The following FHIT variants were observed in gnomAD, a reference collection of about 807,000 sequenced individuals.
The protein encoded by FHIT is bis(5'-adenosyl)-triphosphatase.
A neutral mutation model predicts 17.9 loss-of-function variants in FHIT; 19 were observed. The ratio of observed to expected loss-of-function variants is 1.06; its 90% CI spans 0.74 to 1.56. The LOEUF is 1.56. FHIT is among the 40% of genes most tolerant of loss of function. The pLI is 0.00. For missense variants in FHIT, 248 were observed against 189.2 expected (o/e 1.31, Z -1.82); for synonymous variants, 81 against 69.7 (o/e 1.16, Z -0.81).
At chr3:60,089,321 G>A (rs1703631145) in intron 5 of FHIT, among the ~76,000 whole-genome samples, 1 of 151,994 alleles carries the variant, frequency 6.6e-6, no homozygotes, top group South Asian at 2.1e-4. Context: ...TATATTTTTG[G>A]GTTTTTTTTG....
intron 5 of FHIT, among the ~76,000 whole-genome samples, chr3:60,025,822 G>T (rs1233907768): frequency 6.6e-6 from 1 of 151,330 alleles, no homozygotes; most frequent in African/African-American, 2.4e-5. Context: ...ACATTTTAAT[G>T]TCACTGTGGC....
chr3:60,672,649 T>G (rs1442672927), intron 4 of FHIT, among the ~76,000 whole-genome samples: 3 of 152,352 alleles, frequency 2.0e-5, no homozygotes, highest in Admixed American at 6.5e-5. Flanking sequence ...CTCAGAGGCC[T>G]GACAGTATCC....
chr3:60,574,023 T>A (rs1174862636), intron 4 of FHIT, among the ~76,000 whole-genome samples: 2 of 152,080 alleles, frequency 1.3e-5, no homozygotes, highest in Non-Finnish European at 2.9e-5. Flanking sequence ...TTGGCCAGGC[T>A]GGTCTTGAAC....
rs576918669 is a variant in FHIT at position 60,569,361 on chromosome 3, GATTTTATTCCC to G, written c.-17-32393_-17-32383del. ...CTGTGATAAAGTGATTGAGAACTGAGATTTTATTCCCAAAGAGGCTAACTCCTTTATCTTAT... is the reference window on the plus strand; with the variant it reads ...CTGTGATAAAGTGATTGAGAACTGAGAAAGAGGCTAACTCCTTTATCTTAT... On this transcript the variant is annotated intron_variant, in intron 4 of 9. Transcript: ENST00000492590. 4.1e-4 allele frequency among the ~76,000 whole-genome samples: 63 copies of G among 152,176 alleles called. No individual in the cohort carries two copies. In the South Asian group the frequency reaches 0.013, roughly 31 times the overall value.
At chr3:60,391,161 C>G (rs1235407054) in intron 5 of FHIT, among the ~76,000 whole-genome samples, 1 of 151,668 alleles carries the variant, frequency 6.6e-6, no homozygotes, top group Non-Finnish European at 1.5e-5. Flanking sequence ...GCACTCCAGC[C>G]TGGGCGACAG....
intron 3 of FHIT, among the ~76,000 whole-genome samples, chr3:60,890,751 C>T (rs1457512667): frequency 1.3e-5 from 2 of 152,146 alleles, no homozygotes; most frequent in Non-Finnish European, 2.9e-5. Context: ...GAACAGACTG[C>T]CCTAGGACAG....
chr3:61,085,355 T>G (rs1393733176), intron 2 of FHIT, among the ~76,000 whole-genome samples: 1 of 152,186 alleles, frequency 6.6e-6, no homozygotes, highest in Non-Finnish European at 1.5e-5. Flanking sequence ...TAAATTGGTA[T>G]TTCAATGTGG....
chr3:60,675,631 T>TA lies in FHIT; in HGVS notation c.-17-138653dup, dbSNP rs369928883. On this transcript the variant is annotated intron_variant, in intron 4 of 9. Transcript: ENST00000492590. ...GTAGTTATGTATTGGTTGCACCTGATACCTAAGCAGTAGTCTGCTCTCTTT... is the reference window on the plus strand; with the variant it reads ...GTAGTTATGTATTGGTTGCACCTGATAACCTAAGCAGTAGTCTGCTCTCTTT... Among the ~76,000 whole-genome samples the TA allele has an allele frequency of 7.8e-3, 1,182 of 152,338 alleles. 16 individuals are homozygous for TA. Among genetic ancestry groups the TA allele is most frequent in the African/African-American group, 0.026 (1,098 of 41,586 alleles).
intron 4 of FHIT, among the ~76,000 whole-genome samples, chr3:60,543,907 C>CTTTTTTT (rs71092612): frequency 0.26 from 13,280 of 51,502 alleles, 3,225 homozygotes; most frequent in East Asian, 0.36. Flanking sequence ...CCACGCCCGG[C>CTTTTTTT]TTTTTTTTTT....
chr3:60,361,620 G>A (rs1699909359), intron 5 of FHIT, among the ~76,000 whole-genome samples: 1 of 152,132 alleles, frequency 6.6e-6, no homozygotes, highest in East Asian at 1.9e-4. Flanking sequence ...TGTAGGTAAA[G>A]GGGTAGAGAT....
chr3:60,845,125 G>T (rs925411562), intron 3 of FHIT, among the ~76,000 whole-genome samples: 1 of 151,952 alleles, frequency 6.6e-6, no homozygotes, highest in African/African-American at 2.4e-5. Flanking sequence ...AATAAGAATT[G>T]TATTTAATCA....
chr3:60,643,296 A>G (rs545170672), intron 4 of FHIT, among the ~76,000 whole-genome samples: 3 of 152,218 alleles, frequency 2.0e-5, no homozygotes, highest in Middle Eastern at 3.4e-3. Context: ...ATAGATGGGT[A>G]GAATCAATAT....
chr3:61,131,795 G>A (rs1439620478), intron 2 of FHIT, among the ~76,000 whole-genome samples: 1 of 152,202 alleles, frequency 6.6e-6, no homozygotes, highest in Non-Finnish European at 1.5e-5. Flanking sequence ...TTAAAGGTTA[G>A]TGGTGCAATA....
chr3:60,336,361 C>A (rs1336767251), intron 5 of FHIT, among the ~76,000 whole-genome samples: 1 of 152,146 alleles, frequency 6.6e-6, no homozygotes, highest in Non-Finnish European at 1.5e-5. Flanking sequence ...TCTTTAGTTA[C>A]AAAGGAGATT....
At chr3:60,217,878 A>G (rs1330973619) in intron 5 of FHIT, among the ~76,000 whole-genome samples, 1 of 152,116 alleles carries the variant, frequency 6.6e-6, no homozygotes, top group African/African-American at 2.4e-5. Context: ...ATCCTTTTAT[A>G]TCTCTCATGG....
In FHIT at chr3:60,896,758, T is replaced by C. The variant is rs72499048; in HGVS notation, c.-110-74747A>G. Reference sequence around the variant, plus strand: ...GTAATCATGTCATCCATTTGATATATAGTTAGGTTCATTTACTCTGTACTC... The same window carrying C: ...GTAATCATGTCATCCATTTGATATACAGTTAGGTTCATTTACTCTGTACTC... On this transcript the variant is annotated intron_variant, in intron 3 of 9. Coordinates refer to ENST00000492590, the MANE Select transcript of FHIT (RefSeq NM_002012.4). Among the ~76,000 whole-genome samples, 40 of 152,320 alleles carry C rather than the reference T, an allele frequency of 2.6e-4. No individual in the cohort carries two copies. In the East Asian group the frequency reaches 6.2e-3, roughly 24 times the overall value.
At chr3:60,436,565 A>G (rs1339077220) in intron 5 of FHIT, among the ~76,000 whole-genome samples, 1 of 108,542 alleles carries the variant, frequency 9.2e-6, no homozygotes, top group Non-Finnish European at 2.4e-5. Context: ...ACCAATGTAA[A>G]GGAAATGTTT....
intron 5 of FHIT, among the ~76,000 whole-genome samples, chr3:60,267,491 G>A (rs1358347273): frequency 4.6e-5 from 7 of 151,996 alleles, no homozygotes; most frequent in Admixed American, 2.6e-4. Flanking sequence ...AAATTACTCA[G>A]TAGGTAAAGT....
intron 7 of FHIT, among the ~76,000 whole-genome samples, chr3:60,007,092 C>T (rs1167132792): frequency 6.6e-6 from 1 of 152,076 alleles, no homozygotes; most frequent in Non-Finnish European, 1.5e-5. Context: ...CAAGCATAAT[C>T]TATAAACAGT....
Sources: gnomAD v4.1 joint callset for allele counts (sites outside exome capture counted in the v4.1 genomes callset) on GRCh38, gnomAD v4.1.1 for gene constraint, MANE v1.5 for transcripts, NCBI Gene and HGNC (gene_info 2026-07-23, HGNC 2026-07-21) for gene names.